PHGDH: variants seen among roughly 807,000 people sequenced by gnomAD.
PHGDH encodes the protein phosphoglycerate dehydrogenase, also known as D-3-phosphoglycerate dehydrogenase.
A neutral mutation model predicts 52.6 loss-of-function variants in PHGDH; 50 were observed. The ratio of observed to expected loss-of-function variants is 0.95; its 90% CI spans 0.76 to 1.20. PHGDH has a LOEUF of 1.20. Among genes scored for constraint, PHGDH ranks in the 50% most tolerant of loss-of-function variants. The probability of loss-of-function intolerance (pLI) is 0.00; values close to 1 mark genes in which losing one functional copy is unlikely to be tolerated. For missense variants in PHGDH, 630 were observed against 684.6 expected, an observed-to-expected ratio of 0.92 and a Z score of 0.89; for synonymous variants, 271 against 280.5, an observed-to-expected ratio of 0.97 and a Z score of 0.34.
rs746907048 is a variant in PHGDH, at chr1:119,742,821, C to T, written c.1224C>T (p.His408=). 5.6e-6 allele frequency: 9 copies of T among 1,608,896 alleles called. No individual in the cohort carries two copies. The Admixed American group carries it at 6.7e-5, about 12-fold the overall frequency. Residue 408 remains histidine, a synonymous_variant, in exon 11 of 12, where the codon CAC becomes CAT. Transcript: ENST00000641023. ...TCTCCACACAGGTCACCACCTCCCA[C>T]AGCCCTGCTGCACCAGGGGAGCAAG... ...KEAGLNVTTS[H]SPAAPGEQGF...
At position 119,742,888 on chromosome 1, in the gene PHGDH, C is replaced by A; in HGVS notation, c.1291C>A (p.Pro431Thr). The change falls in exon 11 of 12, where the codon CCT becomes ACT. Residue 431 changes from proline (P) to threonine (T), a missense_variant. Transcript: ENST00000641023. ...CCTGGCCGTGGCCCTGGCAGGCGCC[C>A]CTTACCAGGCTGTGGGCTTGGTCCA... ...CLLAVALAGA[P>T]YQAVGLVQGT... The A allele has an allele frequency of 6.2e-7, 1 of 1,613,896 alleles. No individual in the cohort carries two copies. The highest frequency in any genetic ancestry group is 8.5e-7 in the Non-Finnish European group (1 of 1,179,732).
chr1:119,721,142 C>T, intron 1 of PHGDH, 28 bp from the exon 2 acceptor site: 2 of 1,612,784 alleles, frequency 1.2e-6, no homozygotes, highest in Non-Finnish European at 1.7e-6. Context: ...GAATGACTTT[C>T]TGGACCCAAA....
At chr1:119,719,062 T>C (rs1237213637) in intron 1 of PHGDH, among the ~76,000 whole-genome samples, 2 of 152,160 alleles carry the variant, frequency 1.3e-5, no homozygotes, top group Non-Finnish European at 2.9e-5. Context: ...GACTTGAATG[T>C]GGAAAAGATG....
chr1:119,737,595 T>C (rs1289675616), intron 8 of PHGDH, among the ~76,000 whole-genome samples: 1 of 152,100 alleles, frequency 6.6e-6, no homozygotes, highest in Admixed American at 6.5e-5. Context: ...GGAGTGCTGC[T>C]TGGGTGCCAG....
intron 3 of PHGDH, chr1:119,724,724 T>C (rs1342601796): frequency 2.2e-6 from 1 of 453,320 alleles, no homozygotes; most frequent in African/African-American, 2.0e-5. Flanking sequence ...ATTACCTCAC[T>C]TTTTTTCTGG....
chr1:119,732,400 G>A (rs1285286201), intron 5 of PHGDH, among the ~76,000 whole-genome samples: 3 of 152,210 alleles, frequency 2.0e-5, no homozygotes, highest in Non-Finnish European at 2.9e-5. Flanking sequence ...GCTTCTCTCC[G>A]GGAGTAGTCT....
Position 119,742,944 on chromosome 1 carries a change from T to C in PHGDH, c.1347T>C (p.Asn449=). The change falls in exon 11 of 12, where the codon AAT becomes AAC. Residue 449 remains asparagine (N), a synonymous_variant. Coordinates refer to ENST00000641023, the MANE Select transcript of PHGDH (RefSeq NM_006623.4). The part of the protein sequence containing the change: ...QGTTPVLQGL[N]GAVFRPEVPL... Reference sequence around the variant, plus strand: ...CTACGCCTGTACTGCAGGGGCTCAATGGAGCTGTCTTCAGGCCAGAAGTGC... The same window carrying C: ...CTACGCCTGTACTGCAGGGGCTCAACGGAGCTGTCTTCAGGCCAGAAGTGC... 1 of 1,614,090 alleles carries C rather than the reference T, an allele frequency of 6.2e-7. No homozygotes were observed.
In PHGDH at chr1:119,711,951, C is replaced by G; in HGVS notation, c.-72C>G. 2 of 1,552,570 alleles carry G rather than the reference C, an allele frequency of 1.3e-6. No individual in the cohort carries two copies. Among genetic ancestry groups the G allele is most frequent in the Non-Finnish European group, 1.8e-6 (2 of 1,126,062 alleles). On this transcript the variant is annotated 5_prime_UTR_variant, in exon 1 of 12. Coordinates refer to ENST00000641023, the MANE Select transcript of PHGDH (RefSeq NM_006623.4). Reference sequence around the variant, plus strand: ...AATACTGCCCAGTTACTCTAGCGCGCCAGGCCGAACCGCAGCTTCTTGGCT... The same window carrying G: ...AATACTGCCCAGTTACTCTAGCGCGGCAGGCCGAACCGCAGCTTCTTGGCT...
At chr1:119,712,283 A>C in intron 1 of PHGDH, 123 bp downstream of exon 1, 1 of 812,690 alleles carries the variant, frequency 1.2e-6, no homozygotes. Context: ...GGGCCTCCTG[A>C]GATTGGGGGG....
chr1:119,713,819 C>T (rs997053275), intron 1 of PHGDH, among the ~76,000 whole-genome samples: 1 of 152,102 alleles, frequency 6.6e-6, no homozygotes, highest in Admixed American at 6.5e-5. Flanking sequence ...GCTTTCACCT[C>T]TCTAAAGGAA....
chr1:119,717,232 C>CAAAAA (rs58549149), intron 1 of PHGDH, among the ~76,000 whole-genome samples: 2,109 of 37,294 alleles, frequency 0.057, 640 homozygotes, highest in African/African-American at 0.12. Context: ...AACTCTGTCT[C>CAAAAA]AAAAAAAAAA....
chr1:119,723,562 A>C, intron 3 of PHGDH, 121 bp downstream of exon 3: 1 of 783,314 alleles, frequency 1.3e-6, no homozygotes, highest in South Asian at 1.4e-5. Context: ...CAGACTGCTA[A>C]GAAGGCGACA....
Position 119,734,730 on chromosome 1 carries a change from A to T in PHGDH, c.607A>T (p.Ile203Phe), listed in dbSNP as rs748268132. Reference protein sequence around the residue: ...LEEIWPLCDFITVHTPLLPST... With the variant: ...LEEIWPLCDFFTVHTPLLPST... The stretch of plus-strand genomic sequence containing the variant: ...GGAGATCTGGCCTCTCTGTGATTTC[A>T]TCACTGTGCACACTCCTCTCCTGCC... Residue 203 changes from isoleucine (I) to phenylalanine (F), a missense_variant, in exon 6 of 12, where the codon ATC becomes TTC. Coordinates refer to ENST00000641023, the MANE Select transcript of PHGDH (RefSeq NM_006623.4). 6.2e-7 allele frequency: 1 copy of T among 1,613,700 alleles called. No homozygotes were observed. Among genetic ancestry groups the T allele is most frequent in the Non-Finnish European group, 8.5e-7 (1 of 1,179,882 alleles).
At chr1:119,722,205 T>TC (rs1438314393) in intron 2 of PHGDH, among the ~76,000 whole-genome samples, 3 of 152,164 alleles carry the variant, frequency 2.0e-5, no homozygotes, top group African/African-American at 4.8e-5. Flanking sequence ...CACCTCTACT[T>TC]GCGCCCCCAT....
In PHGDH at chr1:119,743,980, GC is replaced by G; in HGVS notation, c.1543del (p.Leu515CysfsTer11). The G allele has an allele frequency of 1.2e-6, 2 of 1,614,116 alleles. No homozygotes were observed. The highest frequency in any genetic ancestry group is 1.7e-6 in the Non-Finnish European group (2 of 1,179,988). ...GGCACGTCATGGGCATCTCCTCCTT[GC>G]TGCCCAGCCTGGAAGCGTGGAAGCA... ...TWHVMGISSL[L>X]PSLEAWKQHV... On this transcript the variant is annotated frameshift_variant, in exon 12 of 12. Coordinates refer to ENST00000641023, the MANE Select transcript of PHGDH (RefSeq NM_006623.4). LOFTEE classifies it high-confidence loss of function.
At chr1:119,713,909 C>T (rs1164362045) in intron 1 of PHGDH, among the ~76,000 whole-genome samples, 3 of 152,048 alleles carry the variant, frequency 2.0e-5, no homozygotes, top group Admixed American at 6.5e-5. Context: ...GAGGCCTCAT[C>T]CATAATGAGG....
Position 119,743,920 on chromosome 1 carries a change from C to A in PHGDH, c.1482C>A (p.Ser494=). ...CAGAGGCAGGCGTGCGGCTGCTGTC[C>A]TACCAGACTTCACTGGTGTCAGATG... ...LLAEAGVRLL[S]YQTSLVSDGE... is the part of the protein sequence containing the mutation. The change falls in exon 12 of 12, where the codon TCC becomes TCA. Residue 494 remains serine, a synonymous_variant. Transcript: ENST00000641023. The A allele has an allele frequency of 6.2e-7, 1 of 1,613,860 alleles. No homozygotes were observed. Among genetic ancestry groups the A allele is most frequent in the Non-Finnish European group, 8.5e-7 (1 of 1,179,714 alleles).
At chr1:119,713,823 A>G (rs191176655) in intron 1 of PHGDH, among the ~76,000 whole-genome samples, 1 of 152,106 alleles carries the variant, frequency 6.6e-6, no homozygotes, top group Non-Finnish European at 1.5e-5. Flanking sequence ...TCACCTCTCT[A>G]AAGGAAATTA....
chr1:119,741,935 T>A, intron 10 of PHGDH, 38 bp downstream of exon 10: 1 of 1,557,608 alleles, frequency 6.4e-7, no homozygotes. Context: ...CCCATCCCTG[T>A]CAGCACTAGT....
Sources: gnomAD v4.1 joint callset for allele counts (sites outside exome capture counted in the v4.1 genomes callset) on GRCh38, gnomAD v4.1.1 for gene constraint, MANE v1.5 for transcripts, NCBI Gene and HGNC (gene_info 2026-07-23, HGNC 2026-07-21) for gene names.